The following NIN variants were observed in gnomAD, a reference collection of about 807,000 sequenced individuals.
NIN encodes ninein, also known as glycogen synthase kinase 3 beta-interacting protein.
A neutral mutation model predicts 257.6 loss-of-function variants in NIN; 137 were observed. The ratio of observed to expected loss-of-function variants is 0.53; its 90% CI spans 0.46 to 0.61. NIN has a LOEUF of 0.61. NIN is among the 20% of genes least tolerant of loss of function. The pLI, the probability that NIN is intolerant of heterozygous loss-of-function variation, is 0.00. For synonymous variants in NIN, 918 were observed against 919.8 expected (o/e 1.00, Z 0.04); for missense variants, 2,439 against 2,501.2 (o/e 0.98, Z 0.53).
At chr14:50,830,803 C>T (rs1043483461) in intron 1 of NIN, 1 of 151,420 alleles carries the variant, frequency 6.6e-6, no homozygotes, top group African/African-American at 2.4e-5. Context: ...GTCCCCGCCT[C>T]GTCCTCCCGC....
intron 29 of NIN, chr14:50,727,230 T>A: frequency 1.1e-6 from 1 of 937,580 alleles, no homozygotes; most frequent in Non-Finnish European, 1.3e-6. Context: ...ACAAAGGCAG[T>A]CATATACTTA....
chr14:50,749,234 G>C (rs943504942), intron 21 of NIN, among the ~76,000 whole-genome samples: 4 of 152,172 alleles, frequency 2.6e-5, no homozygotes, highest in Non-Finnish European at 5.9e-5. Context: ...TTAATAAATG[G>C]TGTTGGGAAA....
rs533891214 is a variant in NIN, at chr14:50,737,965, A to T, written c.5775+175T>A. Among the ~76,000 whole-genome samples the T allele has an allele frequency of 2.6e-3, 395 of 152,296 alleles. 1 individual carries two copies. The highest frequency in any genetic ancestry group is 4.8e-3 in the Non-Finnish European group (325 of 68,020). On this transcript the variant is annotated intron_variant, in intron 27 of 30. Coordinates refer to ENST00000530997, the MANE Select transcript of NIN (RefSeq NM_020921.4). Reference sequence around the variant, plus strand: ...CGGCCAAACTGTTATTTTTTCAACCATTATTCAATCAAAAAGAACCACGAT... The same window carrying T: ...CGGCCAAACTGTTATTTTTTCAACCTTTATTCAATCAAAAAGAACCACGAT...
rs180861327 is a variant in NIN at position 50,787,197 on chromosome 14, G to A, written c.435+5515C>T. ...TGTTGATAAGAATCTTACTAGACCCGATTTATTCCCTGTGGAGGAAAACAG... is the reference window on the plus strand; with the variant it reads ...TGTTGATAAGAATCTTACTAGACCCAATTTATTCCCTGTGGAGGAAAACAG... On this transcript the variant is annotated intron_variant, in intron 5 of 30. Transcript: ENST00000530997. Among the ~76,000 whole-genome samples the A allele has an allele frequency of 3.1e-3, 465 of 152,272 alleles. 3 individuals carry two copies. Among genetic ancestry groups the A allele is most frequent in the Middle Eastern group, 3.4e-3 (1 of 294 alleles).
intron 3 of NIN, among the ~76,000 whole-genome samples, chr14:50,813,366 C>T (rs995876539): frequency 6.6e-6 from 1 of 152,176 alleles, no homozygotes; most frequent in African/African-American, 2.4e-5. Flanking sequence ...ACAAGCATTC[C>T]TATACCTTGT....
At chr14:50,734,684 T>A (rs144172996) in intron 28 of NIN, among the ~76,000 whole-genome samples, 1 of 152,040 alleles carries the variant, frequency 6.6e-6, no homozygotes, top group South Asian at 2.1e-4. Flanking sequence ...TTTTTTTTCT[T>A]TTTCTTTCTT....
chr14:50,779,569 C>T (rs2043047280), intron 5 of NIN, among the ~76,000 whole-genome samples: 1 of 151,930 alleles, frequency 6.6e-6, no homozygotes, highest in African/African-American at 2.4e-5. Context: ...CCATCCTGGC[C>T]AACACAATGA....
At position 50,739,215 on chromosome 14, in the gene NIN, C is replaced by T. The variant is rs1595730032; in HGVS notation, c.5628+93G>A. 1.2e-5 allele frequency: 15 copies of T among 1,246,550 alleles called. No homozygotes were observed. The East Asian group carries it at 3.3e-4, about 27-fold the overall frequency. The allele number at this position is 1,246,550 out of a possible 1,614,324, so 77.2% of individuals were successfully genotyped here. A position where few individuals can be genotyped will look rare whatever the true frequency, so the allele number is the denominator to read the frequency against. ...CTATAGCAGGATACTCAAATCCATA[C>T]CTTAGAACCATTCCAATCATATCCA... is the stretch of plus-strand genomic sequence containing the variant. On this transcript the variant is annotated intron_variant, in intron 26 of 30. Coordinates refer to ENST00000530997, the MANE Select transcript of NIN (RefSeq NM_020921.4).
chr14:50,811,678 T>C (rs752432247), intron 3 of NIN, among the ~76,000 whole-genome samples: 57 of 150,808 alleles, frequency 3.8e-4, no homozygotes, highest in Non-Finnish European at 6.0e-4. Flanking sequence ...AGCGGGCTGA[T>C]TGCCTGAGCT....
In NIN at chr14:50,752,711, T is replaced by C; in HGVS notation, c.4757A>G (p.Asn1586Ser). ...KKQISELKIK[N>S]QQLDLENTEL... The stretch of plus-strand genomic sequence containing the variant: ...TGTATTTTCCAAATCCAATTGTTGG[T>C]TTTTGATTTTTAATTCTGAAATCTA... Residue 1586 changes from asparagine (N) to serine (S), a missense_variant, in exon 21 of 31, where the codon AAC (asparagine) becomes AGC (serine). By Grantham distance (46) the Asn-to-Ser change is conservative (BLOSUM62 1). Around this residue, in one of 3 missense-constraint regions of NIN, gnomAD observed 2,043 missense variants for 2,050.2 expected, o/e 1.00. Transcript: ENST00000530997. The C allele has an allele frequency of 6.3e-7, 1 of 1,593,184 alleles. No individual in the cohort carries two copies.
At chr14:50,758,781 A>T (rs2042150322) in intron 17 of NIN, 151 bp from the exon 18 acceptor site, 1 of 643,850 alleles carries the variant, frequency 1.6e-6, no homozygotes, top group Admixed American at 3.7e-5. Flanking sequence ...TGATTCATTT[A>T]TACTGGAAAG....
chr14:50,820,601 T>C (rs2045164647), intron 3 of NIN, among the ~76,000 whole-genome samples: 1 of 152,108 alleles, frequency 6.6e-6, no homozygotes, highest in Admixed American at 6.5e-5. Flanking sequence ...TGTGAGTGCA[T>C]GAGGAGCAAA....
rs568586013 is a variant in NIN at position 50,785,463 on chromosome 14, T to G, written c.436-6659A>C. Among the ~76,000 whole-genome samples the G allele has an allele frequency of 4.6e-5, 7 of 152,080 alleles. No homozygotes were observed. The East Asian group carries it at 1.4e-3, about 30-fold the overall frequency. On this transcript the variant is annotated intron_variant, in intron 5 of 30. Transcript: ENST00000530997. ...ATCTCAGCAGCCTCAGAGCCTGGAG[T>G]AGAGTTGTGGTTTTTTGTTTTTGTT...
intron 22 of NIN, 22 bp downstream of exon 22, chr14:50,747,970 C>T (rs758054462): frequency 1.3e-6 from 2 of 1,506,518 alleles, no homozygotes; most frequent in South Asian, 1.1e-5. Context: ...TGTGAACCCC[C>T]CTTAGCTGCA....
rs2042132225 is a variant in NIN, at chr14:50,758,405, C to T, written c.2625G>A (p.Leu875=). Residue 875 remains leucine (L), a synonymous_variant, in exon 18 of 31, where the codon CTG becomes CTA. Coordinates refer to ENST00000530997, the MANE Select transcript of NIN (RefSeq NM_020921.4). ...TCTCTCTCTTAAGAGTCTCTTTCAG[C>T]AGCTCCTGGGCTTCCGCACACTCCT... ...LTQECAEAQE[L]LKETLKREKT... 2 of 1,614,030 alleles carry T rather than the reference C, an allele frequency of 1.2e-6. No individual in the cohort carries two copies. Among genetic ancestry groups the T allele is most frequent in the African/African-American group, 1.3e-5 (1 of 75,062 alleles).
chr14:50,765,945 C>G (rs1466319472), intron 14 of NIN, among the ~76,000 whole-genome samples: 1 of 151,294 alleles, frequency 6.6e-6, no homozygotes, highest in Non-Finnish European at 1.5e-5. Flanking sequence ...GTGCGCTGCA[C>G]CCACTAACTC....
At chr14:50,825,080 A>C (rs1231135193) in intron 2 of NIN, among the ~76,000 whole-genome samples, 1 of 152,228 alleles carries the variant, frequency 6.6e-6, no homozygotes, top group Non-Finnish European at 1.5e-5. Context: ...TCCATCTGGA[A>C]GGTTTGTTCT....
intron 7 of NIN, among the ~76,000 whole-genome samples, chr14:50,774,030 T>G (rs1256159215): frequency 2.0e-5 from 3 of 152,196 alleles, no homozygotes; most frequent in African/African-American, 7.2e-5. Context: ...ATGTACAAAA[T>G]GGAAATCTCT....
rs398118197 is a variant in NIN, at chr14:50,782,965, AGC to A, written c.436-4163_436-4162del. ...CATTCTTGAGACAGTCCAACCCAAA[AGC>A]GTCGTCAGATACGGCACAGCCTTCG... On this transcript the variant is annotated intron_variant, in intron 5 of 30. Coordinates refer to ENST00000530997, the MANE Select transcript of NIN (RefSeq NM_020921.4). 4.4e-4 allele frequency among the ~76,000 whole-genome samples: 4 copies of A among 9,078 alleles called. No individual in the cohort carries two copies. In the Non-Finnish European group the frequency reaches 0.02, roughly 45 times the overall value. The allele number at this position is 9,078 out of a possible 152,430, so 6.0% of individuals were successfully genotyped here.
Sources: allele counts gnomAD v4.1 joint callset (sites outside exome capture counted in the v4.1 genomes callset), GRCh38; gene constraint gnomAD v4.1.1; regional missense constraint gnomAD v4.1.1; transcripts MANE v1.5; gene names NCBI Gene and HGNC (gene_info 2026-07-23, HGNC 2026-07-21).